CIITA: variants seen among roughly 807,000 people sequenced by gnomAD.
CIITA encodes the protein MHC class II transactivator.
Under a neutral mutation model 115.1 loss-of-function variants are expected in CIITA, and 72 were observed. The ratio of observed to expected loss-of-function variants is 0.63; its 90% CI spans 0.52 to 0.76. The LOEUF is 0.76. Ranked by LOEUF, CIITA falls within the 30% of genes least tolerant of loss-of-function variation. The pLI is 0.00. For missense variants in CIITA, 1,617 were observed against 1,463.8 expected, an observed-to-expected ratio of 1.10 and a Z score of -1.71; for synonymous variants, 763 against 635.6, an observed-to-expected ratio of 1.20 and a Z score of -3.02.
Position 10,902,273 on chromosome 16 carries a change from G to A in CIITA, c.628+89G>A, listed in dbSNP as rs1777702788. 6 of 1,544,820 alleles carry A rather than the reference G, an allele frequency of 3.9e-6. No individual in the cohort carries two copies. The East Asian group carries it at 1.2e-4, about 30-fold the overall frequency. ...ACTAAGGCAGGGACTGTCAGGAACT[G>A]GACCTCACCTCTCCCCAACCCTATC... On this transcript the variant is annotated intron_variant, in intron 7 of 19. Coordinates refer to ENST00000324288, the MANE Select transcript of CIITA (RefSeq NM_000246.4).
At chr16:10,899,744 G>A (rs1567399629) in intron 5 of CIITA, among the ~76,000 whole-genome samples, 1 of 152,282 alleles carries the variant, frequency 6.6e-6, no homozygotes, top group East Asian at 1.9e-4. Flanking sequence ...TTCTTAAACA[G>A]GTGAATCGCA....
In CIITA at chr16:10,923,120, C is replaced by T; in HGVS notation, c.3318-108C>T. On this transcript the variant is annotated intron_variant, in intron 18 of 19. Coordinates refer to ENST00000324288, the MANE Select transcript of CIITA (RefSeq NM_000246.4). The surrounding 1 kb of genome is among the most constrained non-coding windows in gnomAD (Gnocchi z 5.2). ...CGGTATCTTGCCAGGGGAAAAGTCC[C>T]CAACGTTCTAGGCTGGGTGGAAGGA... 1.0e-6 allele frequency: 1 copy of T among 964,048 alleles called. No individual in the cohort carries two copies. Among genetic ancestry groups the T allele is most frequent in the Non-Finnish European group, 1.7e-6 (1 of 600,396 alleles). The allele number at this position is 964,048 out of a possible 1,614,324, so 59.7% of individuals were successfully genotyped here. A position where few individuals can be genotyped will look rare whatever the true frequency, so the allele number is the denominator to read the frequency against.
At position 10,906,990 on chromosome 16, in the gene CIITA, G is replaced by A. The variant is rs780155994; in HGVS notation, c.1498G>A (p.Gly500Ser). ...TGACCGCGTTCTGCTCATCCTAGAC[G>A]GCTTCGAGGAGCTGGAAGCGCAAGA... is the stretch of plus-strand genomic sequence containing the variant. ...RPDRVLLILD[G>S]FEELEAQDGF... Residue 500 changes from glycine to serine, a missense_variant, in exon 11 of 20, where the codon GGC (glycine) becomes AGC (serine). Transcript: ENST00000324288. The A allele has an allele frequency of 1.1e-5, 18 of 1,611,248 alleles. No homozygotes were observed. The highest frequency in any genetic ancestry group is 1.1e-4 in the South Asian group (10 of 91,084).
At position 10,910,188 on chromosome 16, in the gene CIITA, G is replaced by A; in HGVS notation, c.2817G>A (p.Arg939=). Residue 939 remains arginine, a splice_region_variant and synonymous_variant, in exon 13 of 20, where the codon AGG becomes AGA. Coordinates refer to ENST00000324288, the MANE Select transcript of CIITA (RefSeq NM_000246.4). ...EDLGKLVQTQ[R]TRSSSEDTAG... is the part of the protein sequence containing the mutation. Reference sequence around the variant, plus strand: ...CCCTAACATTGCCTGTTCTCTCCAGGACGAGAAGTTCCTCGGAAGACACAG... The same window carrying A: ...CCCTAACATTGCCTGTTCTCTCCAGAACGAGAAGTTCCTCGGAAGACACAG... 1 of 1,613,938 alleles carries A rather than the reference G, an allele frequency of 6.2e-7. No homozygotes were observed. The highest frequency in any genetic ancestry group is 1.1e-5 in the South Asian group (1 of 91,018).
intron 8 of CIITA, 57 bp downstream of exon 8, chr16:10,902,858 A>G: frequency 1.2e-6 from 2 of 1,601,068 alleles, no homozygotes; most frequent in Non-Finnish European, 1.7e-6. Flanking sequence ...CTGCTCCCTG[A>G]CCTCATCCTC....
At chr16:10,878,096 G>A (rs565003276) in intron 1 of CIITA, among the ~76,000 whole-genome samples, 1 of 152,310 alleles carries the variant, frequency 6.6e-6, no homozygotes, top group African/African-American at 2.4e-5. Flanking sequence ...GAGGGACCTA[G>A]CACAGTGTCC....
In CIITA at chr16:10,903,904, C is replaced by A. The variant is rs2038955844; in HGVS notation, c.937+9C>A. 1.2e-6 allele frequency: 2 copies of A among 1,614,020 alleles called. No individual in the cohort carries two copies. Among genetic ancestry groups the A allele is most frequent in the Non-Finnish European group, 1.7e-6 (2 of 1,180,024 alleles). On this transcript the variant is annotated intron_variant, in intron 9 of 19. Transcript: ENST00000324288. ...CCGAGCAAACATGACAGGTAAGGAC[C>A]CTTAGGGCCTGTGAGAGGTACTAGA... is the stretch of plus-strand genomic sequence containing the variant.
chr16:10,887,726 C>T (rs747973872), intron 1 of CIITA, among the ~76,000 whole-genome samples: 16 of 152,130 alleles, frequency 1.1e-4, no homozygotes, highest in Admixed American at 7.9e-4. Context: ...AACTCCTGAC[C>T]TCAAGTAATC....
rs1475796847 is a variant in CIITA, at chr16:10,929,826, G to C, written c.*5971G>C. On this transcript the variant is annotated 3_prime_UTR_variant, in exon 20 of 20. Coordinates refer to ENST00000324288, the MANE Select transcript of CIITA (RefSeq NM_000246.4). The surrounding 1 kb of genome is among the most constrained non-coding windows in gnomAD (Gnocchi z 4.3). ...AACCAGTGCAATGTCACACGGGAGA[G>C]GAAGGACTGTCCTGTTTATTGGGAG... 1 of 152,732 alleles carries C rather than the reference G, an allele frequency of 6.5e-6. No homozygotes were observed. The highest frequency in any genetic ancestry group is 2.4e-5 in the African/African-American group (1 of 41,466). The allele number at this position is 152,732 out of a possible 1,614,324, so 9.5% of individuals were successfully genotyped here. A position where few individuals can be genotyped will look rare whatever the true frequency, so the allele number is the denominator to read the frequency against.
chr16:10,907,449 C>T lies in CIITA; in HGVS notation c.1957C>T (p.Pro653Ser), dbSNP rs199476071. ...GCTGGGCCGTGCAGCCCTCGACAGC[C>T]CCCCCGGGGCCCTGGCAGAGCTGGC... ...GLLGRAALDS[P>S]PGALAELAKL... Residue 653 changes from proline to serine, a missense_variant, in exon 11 of 20, where the codon CCC becomes TCC. Coordinates refer to ENST00000324288, the MANE Select transcript of CIITA (RefSeq NM_000246.4). The surrounding 1 kb of genome is among the most constrained non-coding windows in gnomAD (Gnocchi z 5.0). The T allele has an allele frequency of 7.4e-6, 12 of 1,613,052 alleles. No individual in the cohort carries two copies. The highest frequency in any genetic ancestry group is 1.7e-4 in the Middle Eastern group (1 of 6,060).
chr16:10,875,050 C>T (rs1221862794), upstream of CIITA, among the ~76,000 whole-genome samples: 1 of 152,052 alleles, frequency 6.6e-6, no homozygotes, highest in Non-Finnish European at 1.5e-5. Flanking sequence ...CTCACTGCAA[C>T]CTCCACCTCC....
At chr16:10,918,335 C>G in intron 15 of CIITA, 105 bp from the exon 16 acceptor site, 3 of 1,012,992 alleles carry the variant, frequency 3.0e-6, no homozygotes, top group Non-Finnish European at 3.2e-6. Context: ...TAGCTTAAGT[C>G]TGTCGACAGC....
rs897038357 is a variant in CIITA at position 10,916,458 on chromosome 16, A to C, written c.3061A>C (p.Asn1021His). 6.2e-7 allele frequency: 1 copy of C among 1,610,430 alleles called. No homozygotes were observed. The highest frequency in any genetic ancestry group is 8.5e-7 in the Non-Finnish European group (1 of 1,178,302). The change falls in exon 15 of 20, where the codon AAT becomes CAT. Residue 1021 changes from asparagine to histidine, a missense_variant and splice_region_variant. Physicochemically the swap from Asn to His is moderately conservative, Grantham distance 68. Coordinates refer to ENST00000324288, the MANE Select transcript of CIITA (RefSeq NM_000246.4). The stretch of plus-strand genomic sequence containing the variant: ...CCAGCTGAAGTCCTTGGAAACCCTC[A>C]AGTGAGTGAGCTGGGCCTGCCCTTC... ...FPQLKSLETL[N>H]LSQNNITDLG...
chr16:10,903,931 G>C (rs746316663), intron 9 of CIITA, 36 bp downstream of exon 9: 1 of 1,613,776 alleles, frequency 6.2e-7, no homozygotes, highest in Non-Finnish European at 8.5e-7. Flanking sequence ...GGTACTAGAA[G>C]CAGGATCGAG....
Position 10,910,191 on chromosome 16 carries a change from G to A in CIITA, c.2820G>A (p.Thr940=), listed in dbSNP as rs531729211. Residue 940 remains threonine (T), a synonymous_variant, in exon 13 of 20, where the codon ACG becomes ACA. Transcript: ENST00000324288. ...TAACATTGCCTGTTCTCTCCAGGACGAGAAGTTCCTCGGAAGACACAGCTG... is the reference window on the plus strand; with the variant it reads ...TAACATTGCCTGTTCTCTCCAGGACAAGAAGTTCCTCGGAAGACACAGCTG... ...DLGKLVQTQR[T]RSSSEDTAGE... 10 of 1,613,930 alleles carry A rather than the reference G, an allele frequency of 6.2e-6. No individual in the cohort carries two copies. The highest frequency in any genetic ancestry group is 3.3e-5 in the South Asian group (3 of 91,022).
chr16:10,908,988 G>A (rs753387612), intron 11 of CIITA, 41 bp from the exon 12 acceptor site: 61 of 1,613,568 alleles, frequency 3.8e-5, no homozygotes, highest in Non-Finnish European at 5.1e-6. Flanking sequence ...TTAAGGTCTA[G>A]CCTGGTCACC....
chr16:10,915,473 G>C (rs779421192), intron 13 of CIITA, 97 bp from the exon 14 acceptor site: 50 of 941,140 alleles, frequency 5.3e-5, no homozygotes, highest in Non-Finnish European at 8.2e-5. Flanking sequence ...GCCTCAGACA[G>C]GACCTGACTT....
chr16:10,941,750 C>A lies in CIITA; in HGVS notation n.876C>A. 1 of 1,612,362 alleles carries A rather than the reference C, an allele frequency of 6.2e-7. No homozygotes were observed. The highest frequency in any genetic ancestry group is 8.5e-7 in the Non-Finnish European group (1 of 1,179,110). On this transcript the variant is annotated non_coding_transcript_exon_variant, in exon 2 of 2. Coordinates refer to the CIITA transcript ENST00000573379. The surrounding 1 kb of genome is among the most constrained non-coding windows in gnomAD (Gnocchi z 6.4). ...AAGTACGCATCAAAGACGTCGAGCTCCGAGTCAGCATCGTAAAGGCCCGAG... is the reference window on the plus strand; with the variant it reads ...AAGTACGCATCAAAGACGTCGAGCTACGAGTCAGCATCGTAAAGGCCCGAG...
In CIITA at chr16:10,907,697, G is replaced by A; in HGVS notation, c.2205G>A (p.Gln735=). The change falls in exon 11 of 20, where the codon CAG becomes CAA. Residue 735 remains glutamine, a synonymous_variant. Transcript: ENST00000324288. This position sits in a 1 kb window ranked among gnomAD's most constrained non-coding sequence, Gnocchi z 5.0. ...AAATCAAGGACAAGGAGCTCCCGCAGTACCTAGCATTGACCCCAAGGAAGA... is the reference window on the plus strand; with the variant it reads ...AAATCAAGGACAAGGAGCTCCCGCAATACCTAGCATTGACCCCAAGGAAGA... ...SGEIKDKELP[Q]YLALTPRKKR... is the part of the protein sequence containing the mutation. 1 of 1,614,252 alleles carries A rather than the reference G, an allele frequency of 6.2e-7. No individual in the cohort carries two copies. Among genetic ancestry groups the A allele is most frequent in the Non-Finnish European group, 8.5e-7 (1 of 1,180,054 alleles).
Sources: gnomAD v4.1 joint callset for allele counts (sites outside exome capture counted in the v4.1 genomes callset) on GRCh38, gnomAD v4.1.1 for gene constraint, Gnocchi (gnomAD v3.1) non-coding constraint, MANE v1.5 for transcripts, NCBI Gene and HGNC (gene_info 2026-07-23, HGNC 2026-07-21) for gene names.